The following BAHCC1 variants were observed in gnomAD, a reference collection of about 807,000 sequenced individuals.
BAHCC1 encodes BAH and coiled-coil domain-containing protein 1.
Under a neutral mutation model 88.2 loss-of-function variants are expected in BAHCC1, and 43 were observed. The ratio of observed to expected loss-of-function variants is 0.49; its 90% CI spans 0.38 to 0.63. BAHCC1 has a LOEUF of 0.63. Ranked by LOEUF, BAHCC1 falls within the 20% of genes least tolerant of loss-of-function variation. The pLI is 0.00. For missense variants in BAHCC1, 3,023 were observed against 1,654.8 expected (o/e 1.83, Z -14.34); for synonymous variants, 1,510 against 745.5 (o/e 2.03, Z -16.71).
intron 11 of BAHCC1, 111 bp downstream of exon 11, chr17:81,447,959 A>T: frequency 1.5e-6 from 1 of 663,778 alleles, no homozygotes. Context: ...AGTTGTCCCC[A>T]AAGTGTGGTA....
intron 2 of BAHCC1, chr17:81,401,560 G>A (rs8079052): frequency 0.34 from 51,975 of 152,544 alleles, 9,949 homozygotes; most frequent in East Asian, 0.84. Flanking sequence ...TGCACGGGGC[G>A]CTGAGGCTGG....
intron 2 of BAHCC1, among the ~76,000 whole-genome samples, chr17:81,418,586 A>G (rs1292407565): frequency 6.6e-6 from 1 of 151,940 alleles, no homozygotes; most frequent in African/African-American, 2.4e-5. Context: ...CTTCAATGCC[A>G]CCTTTTGCAC....
Position 81,458,700 on chromosome 17 carries a change from A to G in BAHCC1, c.5423A>G (p.Lys1808Arg), listed in dbSNP as rs1555658227. Residue 1808 changes from lysine (K) to arginine (R), a missense_variant, in exon 19 of 28, where the codon AAG becomes AGG. Transcript: ENST00000675386. ...AILGKGRKLS[K>R]VKHKAGKQGK... Reference sequence around the variant, plus strand: ...CTGGGGAAGGGCCGGAAGCTGAGCAAGGTGAAGCACAAGGCCGGCAAGCAG... The same window carrying G: ...CTGGGGAAGGGCCGGAAGCTGAGCAGGGTGAAGCACAAGGCCGGCAAGCAG... The G allele has an allele frequency of 1.4e-6, 1 of 729,498 alleles. No homozygotes were observed. The highest frequency in any genetic ancestry group is 1.5e-5 in the South Asian group (1 of 68,562). The allele number at this position is 729,498 out of a possible 1,614,324, so 45.2% of individuals were successfully genotyped here.
Position 81,399,637 on chromosome 17 carries a change from C to A in BAHCC1, c.-103C>A. Reference sequence around the variant, plus strand: ...GCCCCGCCGCCACCACCGCCTGTGACCCCGGACGCCGCCGCCTCTGCGCCG... The same window carrying A: ...GCCCCGCCGCCACCACCGCCTGTGAACCCGGACGCCGCCGCCTCTGCGCCG... On this transcript the variant is annotated 5_prime_UTR_variant, in exon 2 of 28. Transcript: ENST00000675386. This position sits in a 1 kb window ranked among gnomAD's most constrained non-coding sequence, Gnocchi z 4.5. 1 of 787,992 alleles carries A rather than the reference C, an allele frequency of 1.3e-6. No homozygotes were observed. The highest frequency in any genetic ancestry group is 1.9e-5 in the African/African-American group (1 of 52,524). The allele number at this position is 787,992 out of a possible 1,614,324, so 48.8% of individuals were successfully genotyped here.
At chr17:81,451,939 C>G (rs371226965) in intron 12 of BAHCC1, 32 bp from the exon 13 acceptor site, 1 of 627,416 alleles carries the variant, frequency 1.6e-6, no homozygotes, top group East Asian at 2.8e-5. Context: ...GGCCCTGGCC[C>G]GGCTCACAGG....
At position 81,444,451 on chromosome 17, in the gene BAHCC1, C is replaced by A. The variant is rs781976000; in HGVS notation, c.2395C>A (p.His799Asn). ...PSSCPGDLAP[H>N]LMMQSGQLGG... ...CAGCTGCCCTGGGGACCTGGCCCCC[C>A]ACCTCATGATGCAGAGCGGCCAGCT... The change falls in exon 7 of 28, where the codon CAC becomes AAC. Residue 799 changes from histidine (H) to asparagine (N), a missense_variant. Transcript: ENST00000675386. The A allele has an allele frequency of 1.3e-6, 1 of 740,772 alleles. No homozygotes were observed. Among genetic ancestry groups the A allele is most frequent in the Admixed American group, 1.8e-5 (1 of 54,770 alleles). The allele number at this position is 740,772 out of a possible 1,614,324, so 45.9% of individuals were successfully genotyped here. A position where few individuals can be genotyped will look rare whatever the true frequency, so the allele number is the denominator to read the frequency against.
In BAHCC1 at chr17:81,460,291, G is replaced by A. The variant is rs533944936; in HGVS notation, c.5920G>A (p.Glu1974Lys). 1.1e-4 allele frequency: 86 copies of A among 773,702 alleles called. No homozygotes were observed. The highest frequency in any genetic ancestry group is 9.1e-4 in the Middle Eastern group (4 of 4,404). The allele number at this position is 773,702 out of a possible 1,614,324, so 47.9% of individuals were successfully genotyped here. Residue 1974 changes from glutamate to lysine, a missense_variant, in exon 24 of 28, where the codon GAA (glutamate) becomes AAA (lysine). By Grantham distance (56) the Glu-to-Lys change is moderately conservative. Coordinates refer to ENST00000675386, the MANE Select transcript of BAHCC1 (RefSeq NM_001377448.1). ...GNVVRGASGD[E>K]DEDLDSVVVE... is the part of the protein sequence containing the mutation. ...GCCGTCCACAGGGGCCTCCGGTGAC[G>A]AAGATGAGGACCTGGACTCAGTAGT...
Position 81,447,762 on chromosome 17 carries a change from A to G in BAHCC1, c.3890A>G (p.His1297Arg), listed in dbSNP as rs782138631. The G allele has an allele frequency of 1.2e-5, 9 of 746,044 alleles. No individual in the cohort carries two copies. The highest frequency in any genetic ancestry group is 2.2e-5 in the Non-Finnish European group (9 of 401,274). 46.2% of individuals were successfully genotyped at this position (746,044 alleles called of 1,614,324 possible). A position where few individuals can be genotyped will look rare whatever the true frequency, so the allele number is the denominator to read the frequency against. Reference protein sequence around the residue: ...SGPPSTVPLPHSSGIHGIALL... With the variant: ...SGPPSTVPLPRSSGIHGIALL... ...CCCCCCAGCACAGTCCCCCTGCCTC[A>G]TAGCTCAGGGATTCATGGGATCGCT... is the stretch of plus-strand genomic sequence containing the variant. Residue 1297 changes from histidine (H) to arginine (R), a missense_variant, in exon 11 of 28, where the codon CAT becomes CGT. His to Arg is a conservative substitution (Grantham distance 29). Coordinates refer to ENST00000675386, the MANE Select transcript of BAHCC1 (RefSeq NM_001377448.1).
chr17:81,423,458 C>A (rs1197416137), intron 2 of BAHCC1, among the ~76,000 whole-genome samples: 2 of 152,222 alleles, frequency 1.3e-5, no homozygotes, highest in East Asian at 1.9e-4. Context: ...CCCCCTGCCT[C>A]CCGGGCAGGG....
chr17:81,441,063 C>T (rs953013585), intron 4 of BAHCC1, among the ~76,000 whole-genome samples: 33 of 151,780 alleles, frequency 2.2e-4, no homozygotes, highest in Non-Finnish European at 4.0e-4. Context: ...CTGCCTGCCC[C>T]GCGTCCCCCG....
rs1392711202 is a variant in BAHCC1 at position 81,455,285 on chromosome 17, G to A, written c.4464G>A (p.Leu1488=). 2.0e-5 allele frequency: 14 copies of A among 716,712 alleles called. No individual in the cohort carries two copies. In the African/African-American group the frequency reaches 2.4e-4, roughly 13 times the overall value. 44.4% of individuals were successfully genotyped at this position (716,712 alleles called of 1,614,324 possible). The change falls in exon 15 of 28, where the codon CTG becomes CTA. Residue 1488 remains leucine, a synonymous_variant. Transcript: ENST00000675386. Reference sequence around the variant, plus strand: ...CCCCCAGGGCGGTGCGGACAAGCCTGGGTCTGCTGTGTGCGGAGCTGCGAG... The same window carrying A: ...CCCCCAGGGCGGTGCGGACAAGCCTAGGTCTGCTGTGTGCGGAGCTGCGAG... ...GKKVKAVRTS[L]GLLCAELRGG... is the part of the protein sequence containing the mutation.
At position 81,457,439 on chromosome 17, in the gene BAHCC1, G is replaced by A; in HGVS notation, c.4888G>A (p.Gly1630Ser). Residue 1630 changes from glycine (G) to serine (S), a missense_variant, in exon 17 of 28, where the codon GGT becomes AGT. Transcript: ENST00000675386. ...TGGCTATGACAGTGAGGACTGCGAG[G>A]GTCTCCTGGGGACAGAGGCACCACC... Reference protein sequence around the residue: ...GSGYDSEDCEGLLGTEAPPRE... With the variant: ...GSGYDSEDCESLLGTEAPPRE... 1.3e-6 allele frequency: 1 copy of A among 772,396 alleles called. No homozygotes were observed. The highest frequency in any genetic ancestry group is 1.4e-5 in the South Asian group (1 of 73,112). 47.8% of individuals were successfully genotyped at this position (772,396 alleles called of 1,614,324 possible). A position where few individuals can be genotyped will look rare whatever the true frequency, so the allele number is the denominator to read the frequency against.
intron 11 of BAHCC1, among the ~76,000 whole-genome samples, chr17:81,449,043 C>A (rs74002279): frequency 2.0e-5 from 3 of 152,194 alleles, no homozygotes; most frequent in African/African-American, 4.8e-5. Context: ...TAGCAGGTCC[C>A]GTGTGTATGG....
rs782164754 is a variant in BAHCC1, at chr17:81,442,718, T to C, written c.1369T>C (p.Phe457Leu). 1 of 775,870 alleles carries C rather than the reference T, an allele frequency of 1.3e-6. No homozygotes were observed. Among genetic ancestry groups the C allele is most frequent in the South Asian group, 1.3e-5 (1 of 74,254 alleles). The allele number at this position is 775,870 out of a possible 1,614,324, so 48.1% of individuals were successfully genotyped here. ...EGKGERRPGG[F>L]EAALNPRLKG... ...CAAGGGCGAGCGGCGGCCTGGGGGC[T>C]TTGAGGCGGCCCTCAACCCCCGGCT... is the stretch of plus-strand genomic sequence containing the variant. Residue 457 changes from phenylalanine to leucine, a missense_variant, in exon 5 of 28, where the codon TTT becomes CTT. Coordinates refer to ENST00000675386, the MANE Select transcript of BAHCC1 (RefSeq NM_001377448.1).
chr17:81,419,582 C>CG (rs1210624386), intron 2 of BAHCC1, among the ~76,000 whole-genome samples: 1 of 150,978 alleles, frequency 6.6e-6, no homozygotes, highest in African/African-American at 2.4e-5. Flanking sequence ...AGGTGTGGAG[C>CG]GGAAGCCAGT....
At position 81,399,669 on chromosome 17, in the gene BAHCC1, C is replaced by A. The variant is rs2063787937; in HGVS notation, c.-71C>A. On this transcript the variant is annotated 5_prime_UTR_variant, in exon 2 of 28. Transcript: ENST00000675386. The surrounding 1 kb of genome is among the most constrained non-coding windows in gnomAD (Gnocchi z 4.5). ...CGCCGCCGCCTCTGCGCCGCCCGCG[C>A]GCCGAGCCGCCCCCGGGCCCCGGCC... 1.1e-6 allele frequency: 1 copy of A among 946,780 alleles called. No homozygotes were observed. The highest frequency in any genetic ancestry group is 1.3e-6 in the Non-Finnish European group (1 of 794,464). 58.6% of individuals were successfully genotyped at this position (946,780 alleles called of 1,614,324 possible). A position where few individuals can be genotyped will look rare whatever the true frequency, so the allele number is the denominator to read the frequency against.
intron 2 of BAHCC1, among the ~76,000 whole-genome samples, chr17:81,408,401 C>G (rs1310738315): frequency 6.6e-6 from 1 of 151,742 alleles, no homozygotes; most frequent in Non-Finnish European, 1.5e-5. Flanking sequence ...CTCCCACCCC[C>G]CAGGCTCCCA....
Position 81,445,497 on chromosome 17 carries a change from C to T in BAHCC1, c.2979C>T (p.Cys993=). 1.3e-6 allele frequency: 1 copy of T among 747,138 alleles called. No individual in the cohort carries two copies. The highest frequency in any genetic ancestry group is 2.5e-6 in the Non-Finnish European group (1 of 403,572). 46.3% of individuals were successfully genotyped at this position (747,138 alleles called of 1,614,324 possible). The change falls in exon 10 of 28, where the codon TGC becomes TGT. Residue 993 remains cysteine, a synonymous_variant. Coordinates refer to ENST00000675386, the MANE Select transcript of BAHCC1 (RefSeq NM_001377448.1). The stretch of plus-strand genomic sequence containing the variant: ...CAGGCCCCACCAAGCTGCCACCTTG[C>T]TGCCATCCGCCCGACCCAAAGCCCC... ...PAAGPTKLPP[C]CHPPDPKPPA... is the part of the protein sequence containing the mutation.
chr17:81,399,154 C>T lies in BAHCC1; in HGVS notation c.-206-380C>T, dbSNP rs535185195. The stretch of plus-strand genomic sequence containing the variant: ...GTGTGTGTGTGTGTGTGTGTGTGTG[C>T]GAGTGTGCGTGATGGCTTCGCAGAT... On this transcript the variant is annotated intron_variant, in intron 1 of 27. Transcript: ENST00000675386. The surrounding 1 kb of genome is among the most constrained non-coding windows in gnomAD (Gnocchi z 4.5). 75 of 320,228 alleles carry T rather than the reference C, an allele frequency of 2.3e-4. No individual in the cohort carries two copies. The highest frequency in any genetic ancestry group is 5.9e-4 in the East Asian group (3 of 5,110). The allele number at this position is 320,228 out of a possible 1,614,324, so 19.8% of individuals were successfully genotyped here.
Sources: allele counts gnomAD v4.1 joint callset (sites outside exome capture counted in the v4.1 genomes callset), GRCh38; gene constraint gnomAD v4.1.1; non-coding constraint Gnocchi (gnomAD v3.1); transcripts MANE v1.5; gene names NCBI Gene and HGNC (gene_info 2026-07-23, HGNC 2026-07-21).